The following ANXA13 variants were observed in gnomAD, a reference collection of about 807,000 sequenced individuals.
ANXA13 encodes the protein annexin A13, also known as annexin XIII.
In ANXA13, 36 loss-of-function variants were observed where a neutral mutation model predicts 46.6. That is an observed-to-expected ratio of 0.77 (90% CI 0.59 to 1.02). The LOEUF (loss-of-function observed/expected upper bound fraction) is 1.02. Among genes scored for constraint, ANXA13 ranks in the 50% least tolerant of loss-of-function variants. The probability of loss-of-function intolerance (pLI) is 0.00; values close to 1 mark genes in which losing one functional copy is unlikely to be tolerated. For missense variants in ANXA13, 417 were observed against 396.5 expected, an observed-to-expected ratio of 1.05 and a Z score of -0.44; for synonymous variants, 163 against 152.9, an observed-to-expected ratio of 1.07 and a Z score of -0.49.
At chr8:123,694,529 A>T (rs1318148180) in intron 6 of ANXA13, among the ~76,000 whole-genome samples, 1 of 152,160 alleles carries the variant, frequency 6.6e-6, no homozygotes, top group Non-Finnish European at 1.5e-5. Context: ...GGTCTCTAGG[A>T]GCTGATAGTA....
chr8:123,717,822 A>C (rs1364114624), intron 1 of ANXA13, among the ~76,000 whole-genome samples: 1 of 152,228 alleles, frequency 6.6e-6, no homozygotes, highest in Non-Finnish European at 1.5e-5. Flanking sequence ...GTGCAGATGC[A>C]CAAGTCCACA....
chr8:123,685,624 C>T (rs150270257), intron 9 of ANXA13, among the ~76,000 whole-genome samples: 709 of 152,266 alleles, frequency 4.7e-3, no homozygotes, highest in Non-Finnish European at 6.5e-3. Context: ...CATAATGGGG[C>T]TGTTGTTGTC....
Position 123,683,902 on chromosome 8 carries a change from G to T in ANXA13, c.831+708C>A, listed in dbSNP as rs139515640. ...GCACCCGACCAGCTGTGATCTTGAC[G>T]GCTGCTCCCAAGCCGTTGGCTCTTC... On this transcript the variant is annotated intron_variant, in intron 10 of 10. Coordinates refer to ENST00000419625, the MANE Select transcript of ANXA13 (RefSeq NM_004306.4). Among the ~76,000 whole-genome samples, 820 of 152,164 alleles carry T rather than the reference G, an allele frequency of 5.4e-3. 9 individuals carry two copies. Among genetic ancestry groups the T allele is most frequent in the African/African-American group, 0.019 (783 of 41,522 alleles).
chr8:123,688,769 C>T, intron 9 of ANXA13, 102 bp downstream of exon 9: 1 of 1,047,312 alleles, frequency 9.5e-7, no homozygotes, highest in Non-Finnish European at 1.5e-6. Flanking sequence ...CCTGTTGACC[C>T]CCAAAAGCTA....
chr8:123,703,436 T>C (rs1187651520), intron 2 of ANXA13, among the ~76,000 whole-genome samples: 1 of 152,206 alleles, frequency 6.6e-6, no homozygotes, highest in Non-Finnish European at 1.5e-5. Flanking sequence ...GGTGGTTGCA[T>C]GCATCTGTGA....
intron 10 of ANXA13, among the ~76,000 whole-genome samples, chr8:123,682,643 G>A (rs910730924): frequency 3.3e-5 from 5 of 151,964 alleles, no homozygotes; most frequent in East Asian, 3.9e-4. Context: ...GACAGGTGGT[G>A]TCTGTCTCTC....
intron 1 of ANXA13, 90 bp from the exon 2 acceptor site, chr8:123,712,843 T>C (rs1253181173): frequency 1.4e-5 from 15 of 1,099,972 alleles, no homozygotes; most frequent in East Asian, 5.0e-5. Context: ...GAGGACCAAA[T>C]AGTCATCCTA....
intron 10 of ANXA13, among the ~76,000 whole-genome samples, chr8:123,683,395 C>T (rs143358700): frequency 1.5e-4 from 23 of 150,818 alleles, no homozygotes; most frequent in Non-Finnish European, 1.5e-4. Context: ...TGGTGTCCCT[C>T]CCCCTTCACC....
intron 2 of ANXA13, among the ~76,000 whole-genome samples, chr8:123,709,850 C>T (rs767276072): frequency 9.9e-5 from 15 of 152,150 alleles, no homozygotes; most frequent in Non-Finnish European, 1.8e-4. Context: ...TCTCCACCTC[C>T]CAGGTTGAAG....
chr8:123,729,963 A>G (rs1187063421), intron 1 of ANXA13, among the ~76,000 whole-genome samples: 14 of 152,180 alleles, frequency 9.2e-5, no homozygotes, highest in Non-Finnish European at 1.5e-5. Flanking sequence ...GCCACCATCC[A>G]CCTGTGCACA....
rs74365609 is a variant in ANXA13, at chr8:123,732,015, G to A, written c.15+5305C>T. Among the ~76,000 whole-genome samples, 1,073 of 152,312 alleles carry A rather than the reference G, an allele frequency of 7.0e-3. 15 individuals carry two copies. Among genetic ancestry groups the A allele is most frequent in the African/African-American group, 0.025 (1,026 of 41,562 alleles). ...GGGGGCAGGGGATGGAGAAAGCTCA[G>A]GGAAGGGGCTAAAGAGATGACGAGG... On this transcript the variant is annotated intron_variant, in intron 1 of 10. Coordinates refer to ENST00000419625, the MANE Select transcript of ANXA13 (RefSeq NM_004306.4).
intron 1 of ANXA13, among the ~76,000 whole-genome samples, chr8:123,729,501 G>GA (rs1292250361): frequency 1.3e-5 from 2 of 152,176 alleles, no homozygotes; most frequent in East Asian, 3.9e-4. Flanking sequence ...GAGCTTTGCA[G>GA]AAAGATTTTC....
At chr8:123,715,350 G>A (rs1256976805) in intron 1 of ANXA13, among the ~76,000 whole-genome samples, 4 of 152,198 alleles carry the variant, frequency 2.6e-5, no homozygotes, top group Admixed American at 2.6e-4. Context: ...CTCTAAGTGT[G>A]GAAGTGGCAA....
At chr8:123,689,058 C>T in intron 8 of ANXA13, 112 bp from the exon 9 acceptor site, 1 of 926,540 alleles carries the variant, frequency 1.1e-6, no homozygotes. Flanking sequence ...AGTCCTGTGG[C>T]TTCAGGGAAC....
rs10956144 is a variant in ANXA13, at chr8:123,690,018, A to G, written c.643-1072T>C. Among the ~76,000 whole-genome samples the G allele has an allele frequency of 0.59, 89,632 of 151,958 alleles. 26,658 individuals are homozygous for G. Among genetic ancestry groups the G allele is most frequent in the African/African-American group, 0.64 (26,388 of 41,424 alleles). ...GCTTGATCTCCTAGTCATTGTTTGC[A>G]TATCTGGAGGCCTTGGTGTGTGGCA... On this transcript the variant is annotated intron_variant, in intron 8 of 10. Transcript: ENST00000419625. This position sits in a 1 kb window ranked among gnomAD's most constrained non-coding sequence, Gnocchi z 4.6.
Position 123,698,428 on chromosome 8 carries a change from C to A in ANXA13, c.318G>T (p.Glu106Asp). ...QKAMKGLGTD[E>D]SVLIEVLCTR... Reference sequence around the variant, plus strand: ...TGCACAGGACCTCAATGAGGACGGACTCATCTGTGCCCAGACCCTTCATAG... The same window carrying A: ...TGCACAGGACCTCAATGAGGACGGAATCATCTGTGCCCAGACCCTTCATAG... Residue 106 changes from glutamate to aspartate, a missense_variant, in exon 4 of 11, where the codon GAG (glutamate) becomes GAT (aspartate). Glu to Asp is a conservative substitution (Grantham distance 45, BLOSUM62 2). Coordinates refer to ENST00000419625, the MANE Select transcript of ANXA13 (RefSeq NM_004306.4). The A allele has an allele frequency of 6.2e-7, 1 of 1,614,216 alleles. No individual in the cohort carries two copies. Among genetic ancestry groups the A allele is most frequent in the South Asian group, 1.1e-5 (1 of 91,078 alleles).
chr8:123,728,838 A>T (rs1814053614), intron 1 of ANXA13, among the ~76,000 whole-genome samples: 1 of 152,164 alleles, frequency 6.6e-6, no homozygotes, highest in East Asian at 1.9e-4. Flanking sequence ...ATTAATTTTT[A>T]GTCTATTATT....
At chr8:123,721,300 G>C (rs1196594371) in intron 1 of ANXA13, among the ~76,000 whole-genome samples, 1 of 152,128 alleles carries the variant, frequency 6.6e-6, no homozygotes, top group African/African-American at 2.4e-5. Context: ...TTTGGGGAAG[G>C]TTCTTCTTTG....
At position 123,695,487 on chromosome 8, in the gene ANXA13, C is replaced by A; in HGVS notation, c.471+15G>T. 6.2e-7 allele frequency: 1 copy of A among 1,606,092 alleles called. No homozygotes were observed. The highest frequency in any genetic ancestry group is 8.5e-7 in the Non-Finnish European group (1 of 1,173,096). ...TCCTAAGATGATAAAACAGGTGACA[C>A]CTCTTTCCTCTTACCTGCAGCAGAG... On this transcript the variant is annotated intron_variant, in intron 6 of 10. Coordinates refer to ENST00000419625, the MANE Select transcript of ANXA13 (RefSeq NM_004306.4).
Sources: gnomAD v4.1 joint callset for allele counts (sites outside exome capture counted in the v4.1 genomes callset) on GRCh38, gnomAD v4.1.1 for gene constraint, Gnocchi (gnomAD v3.1) non-coding constraint, MANE v1.5 for transcripts, NCBI Gene and HGNC (gene_info 2026-07-23, HGNC 2026-07-21) for gene names.